The following PBRM1 variants were observed in gnomAD, a reference collection of about 807,000 sequenced individuals.
The protein encoded by PBRM1 is protein polybromo-1.
Under a neutral mutation model 194.5 loss-of-function variants are expected in PBRM1, and 27 were observed. That is an observed-to-expected ratio of 0.14 (90% CI 0.10 to 0.19). PBRM1 has a LOEUF of 0.19. Ranked by LOEUF, PBRM1 falls within the 10% of genes least tolerant of loss-of-function variation. PBRM1 has a pLI of 1.00. For synonymous variants in PBRM1, 655 were observed against 693.2 expected (o/e 0.94, Z 0.87); for missense variants, 1,466 against 2,077.2 (o/e 0.71, Z 5.72).
rs576638678 is a variant in PBRM1 at position 52,602,548 on chromosome 3, G to T, written c.2779+973C>A. Among the ~76,000 whole-genome samples, 5 of 152,286 alleles carry T rather than the reference G, an allele frequency of 3.3e-5. No homozygotes were observed. In the South Asian group the frequency reaches 1.0e-3, roughly 32 times the overall value. ...GAGAGCTTATCTCAGTCCTTTTATAGATGTCTAATTTTCAGAATATTCTTT... is the reference window on the plus strand; with the variant it reads ...GAGAGCTTATCTCAGTCCTTTTATATATGTCTAATTTTCAGAATATTCTTT... On this transcript the variant is annotated intron_variant, in intron 17 of 29. Transcript: ENST00000296302.
intron 13 of PBRM1, among the ~76,000 whole-genome samples, chr3:52,618,393 A>C (rs1048510897): frequency 2.6e-5 from 4 of 152,156 alleles, no homozygotes; most frequent in African/African-American, 9.7e-5. Flanking sequence ...AGAGGGGGTA[A>C]AAGACTTGCC....
chr3:52,554,987 A>G, intron 26 of PBRM1, 108 bp from the exon 29 acceptor site: 1 of 774,000 alleles, frequency 1.3e-6, no homozygotes, highest in Admixed American at 3.2e-5. Flanking sequence ...CACCCTTAGT[A>G]CTGCATGATA....
At chr3:52,683,392 A>G (rs2097248803), upstream of PBRM1, among the ~76,000 whole-genome samples, 1 of 151,702 alleles carries the variant, frequency 6.6e-6, no homozygotes, top group South Asian at 2.1e-4. Context: ...AAAAAACAAC[A>G]TAAAGTGAAA....
intron 3 of PBRM1, among the ~76,000 whole-genome samples, chr3:52,664,490 C>CT (rs2096790530): frequency 6.7e-6 from 1 of 150,032 alleles, no homozygotes; most frequent in Non-Finnish European, 1.5e-5. Flanking sequence ...AATCCCAGCA[C>CT]TTTGGGAGGC....
intron 16 of PBRM1, among the ~76,000 whole-genome samples, chr3:52,604,720 G>A (rs1267149889): frequency 1.3e-5 from 2 of 151,686 alleles, no homozygotes; most frequent in South Asian, 2.1e-4. Context: ...CAATAAACAG[G>A]CCAGTTGTGG....
At chr3:52,662,317 T>C (rs1234339820) in intron 3 of PBRM1, 41 bp from the exon 5 acceptor site, 1 of 1,534,570 alleles carries the variant, frequency 6.5e-7, no homozygotes, top group Non-Finnish European at 8.8e-7. Flanking sequence ...ACTTTAGTAA[T>C]GTATTGGAAA....
chr3:52,674,643 A>AAAAAAAAT (rs1193129880), intron 2 of PBRM1, among the ~76,000 whole-genome samples: 12 of 72,386 alleles, frequency 1.7e-4, no homozygotes, highest in African/African-American at 4.9e-4. Context: ...AAAAAAAAAA[A>AAAAAAAAT]ATATATATAT....
At chr3:52,585,009 G>C (rs2092147024) in intron 20 of PBRM1, among the ~76,000 whole-genome samples, 1 of 151,958 alleles carries the variant, frequency 6.6e-6, no homozygotes, top group Non-Finnish European at 1.5e-5. Flanking sequence ...TCTTTCCTTT[G>C]ATCTAATGGA....
chr3:52,548,293 T>C, intron 29 of PBRM1, 58 bp from the exon 32 acceptor site: 1 of 1,399,418 alleles, frequency 7.1e-7, no homozygotes, highest in Non-Finnish European at 9.7e-7. Context: ...AAAATTTCCC[T>C]CAGTTCTAAG....
chr3:52,661,251 C>G (rs1441893700), intron 4 of PBRM1, among the ~76,000 whole-genome samples: 1 of 152,130 alleles, frequency 6.6e-6, no homozygotes, highest in African/African-American at 2.4e-5. Flanking sequence ...TCTTGAACTC[C>G]TAACCTCAAG....
At chr3:52,548,721 C>T (rs371267260) in intron 29 of PBRM1, among the ~76,000 whole-genome samples, 13 of 151,822 alleles carry the variant, frequency 8.6e-5, no homozygotes, top group African/African-American at 1.9e-4. Flanking sequence ...CCACTGCACC[C>T]GGCCTGATCA....
intron 17 of PBRM1, among the ~76,000 whole-genome samples, chr3:52,599,104 C>T (rs1222644510): frequency 1.3e-5 from 2 of 151,564 alleles, no homozygotes; most frequent in Admixed American, 6.6e-5. Flanking sequence ...GCAAGAGACT[C>T]GCTTGAGCTC....
intron 20 of PBRM1, among the ~76,000 whole-genome samples, chr3:52,583,349 TAC>T (rs1349819765): frequency 6.7e-6 from 1 of 150,318 alleles, no homozygotes; most frequent in African/African-American, 2.5e-5. Flanking sequence ...AGGCGGACGT[TAC>T]AGTGAGCTGA....
intron 14 of PBRM1, 139 bp from the exon 17 acceptor site, chr3:52,615,595 G>T (rs143063032): frequency 1.0e-5 from 6 of 599,946 alleles, no homozygotes; most frequent in Non-Finnish European, 1.8e-5. Flanking sequence ...TCACTACAGA[G>T]CAATAAAATC....
At position 52,601,341 on chromosome 3, in the gene PBRM1, G is replaced by A. The variant is rs2093978595; in HGVS notation, c.2779+2180C>T. 3.9e-5 allele frequency among the ~76,000 whole-genome samples: 6 copies of A among 152,298 alleles called. No homozygotes were observed. In the South Asian group the frequency reaches 1.2e-3, roughly 32 times the overall value. Reference sequence around the variant, plus strand: ...CACAGACAGGGATGGGGTTTGTGTGGGTAAGAGATGAGGGTTGGGTGGGAT... The same window carrying A: ...CACAGACAGGGATGGGGTTTGTGTGAGTAAGAGATGAGGGTTGGGTGGGAT... On this transcript the variant is annotated intron_variant, in intron 17 of 29. Transcript: ENST00000296302.
intron 10 of PBRM1, among the ~76,000 whole-genome samples, chr3:52,636,542 G>C (rs1440905231): frequency 3.3e-5 from 5 of 151,296 alleles, no homozygotes; most frequent in Non-Finnish European, 7.4e-5. Flanking sequence ...CAAATCATGA[G>C]GTCAGTAGTT....
At position 52,624,190 on chromosome 3, in the gene PBRM1, T is replaced by A. The variant is rs578199702; in HGVS notation, c.1541+3083A>T. ...CTACCTTGCTTCCAAATGACTTCATTTGTTTTCAACCTGCCTCTTTCCTTG... is the reference window on the plus strand; with the variant it reads ...CTACCTTGCTTCCAAATGACTTCATATGTTTTCAACCTGCCTCTTTCCTTG... On this transcript the variant is annotated intron_variant, in intron 13 of 29. Transcript: ENST00000296302. Among the ~76,000 whole-genome samples, 4 of 152,330 alleles carry A rather than the reference T, an allele frequency of 2.6e-5. No homozygotes were observed. The South Asian group carries it at 8.3e-4, about 32-fold the overall frequency.
At chr3:52,630,157 A>T (rs2095571043) in intron 11 of PBRM1, among the ~76,000 whole-genome samples, 1 of 152,178 alleles carries the variant, frequency 6.6e-6, no homozygotes, top group Non-Finnish European at 1.5e-5. Flanking sequence ...GACAACGAAT[A>T]ATAAACCTGC....
At chr3:52,679,995 C>A (rs536426499), upstream of PBRM1, among the ~76,000 whole-genome samples, 7 of 152,196 alleles carry the variant, frequency 4.6e-5, no homozygotes, top group African/African-American at 1.7e-4. Context: ...AATGACTCAA[C>A]TTCTGGCTCC....
Sources: allele counts gnomAD v4.1 joint callset (sites outside exome capture counted in the v4.1 genomes callset), GRCh38; gene constraint gnomAD v4.1.1; transcripts MANE v1.5; gene names NCBI Gene and HGNC (gene_info 2026-07-23, HGNC 2026-07-21).